Variants in PTER observed in about 807,000 individuals in gnomAD.
PTER encodes N-acetyltaurine hydrolase.
In PTER, 38 loss-of-function variants were observed where a neutral mutation model predicts 29.6. That is an observed-to-expected ratio of 1.28 (90% CI 0.99 to 1.68). The LOEUF is 1.68. Ranked by LOEUF, PTER falls within the 40% of genes most tolerant of loss-of-function variation. The probability of loss-of-function intolerance (pLI) is 0.00; values close to 1 mark genes in which losing one functional copy is unlikely to be tolerated. For missense variants in PTER, 482 were observed against 427.8 expected (o/e 1.13, Z -1.12); for synonymous variants, 172 against 154.5 (o/e 1.11, Z -0.84).
chr10:16,492,696 T>A (rs1472547043), intron 3 of PTER, among the ~76,000 whole-genome samples: 1 of 152,248 alleles, frequency 6.6e-6, no homozygotes, highest in Non-Finnish European at 1.5e-5. Context: ...GAATCTTTTT[T>A]CTACTTGGTT....
chr10:16,488,996 T>A (rs1385751207), intron 3 of PTER, among the ~76,000 whole-genome samples: 1 of 152,188 alleles, frequency 6.6e-6, no homozygotes, highest in East Asian at 1.9e-4. Flanking sequence ...TCAGCCATTA[T>A]CTCTTTAAAT....
intron 1 of PTER, among the ~76,000 whole-genome samples, chr10:16,452,653 C>G (rs971355837): frequency 7.2e-5 from 11 of 151,762 alleles, no homozygotes; most frequent in Non-Finnish European, 1.3e-4. Context: ...TCTTCTTCTT[C>G]TCCTGCTGCT....
intron 1 of PTER, among the ~76,000 whole-genome samples, chr10:16,470,918 T>G (rs189664469): frequency 3.5e-4 from 54 of 152,318 alleles, no homozygotes; most frequent in African/African-American, 1.3e-3. Context: ...CTTCCTAATT[T>G]ATGATTAAGA....
intron 1 of PTER, among the ~76,000 whole-genome samples, chr10:16,456,862 T>TGGGGC (rs1834416369): frequency 8.8e-6 from 1 of 113,598 alleles, no homozygotes; most frequent in Non-Finnish European, 1.9e-5. Context: ...ATGGGGAAGG[T>TGGGGC]GGGGGGGGGT....
intron 1 of PTER, among the ~76,000 whole-genome samples, chr10:16,441,708 T>C (rs961136132): frequency 1.3e-5 from 2 of 152,248 alleles, no homozygotes; most frequent in African/African-American, 4.8e-5. Flanking sequence ...TGATGAATTA[T>C]GTTGTTCGGG....
intron 1 of PTER, among the ~76,000 whole-genome samples, chr10:16,438,440 G>A (rs530843944): frequency 6.7e-6 from 1 of 149,300 alleles, no homozygotes; most frequent in African/African-American, 2.5e-5. Flanking sequence ...ACACCACCAC[G>A]CCCGGCTAGT....
intron 1 of PTER, among the ~76,000 whole-genome samples, chr10:16,480,370 A>AT (rs1299501057): frequency 6.6e-6 from 1 of 151,562 alleles, no homozygotes; most frequent in African/African-American, 2.4e-5. Flanking sequence ...TAATTTTTGT[A>AT]TTTTTTATAG....
intron 1 of PTER, among the ~76,000 whole-genome samples, chr10:16,466,848 C>A (rs574289093): frequency 6.6e-6 from 1 of 152,288 alleles, no homozygotes; most frequent in Admixed American, 6.5e-5. Flanking sequence ...AAAAATTAAA[C>A]GGCCTTAGCA....
chr10:16,480,168 C>G (rs1225129190), intron 1 of PTER, among the ~76,000 whole-genome samples: 4 of 148,288 alleles, frequency 2.7e-5, no homozygotes, highest in African/African-American at 1.0e-4. Context: ...TCCACCAAAA[C>G]TCAGTTTTGT....
intron 3 of PTER, among the ~76,000 whole-genome samples, chr10:16,498,240 C>T (rs12218061): frequency 0.53 from 80,882 of 151,956 alleles, 22,066 homozygotes; most frequent in East Asian, 0.84. Flanking sequence ...AAATACCGAC[C>T]TTAAAAGCTG....
chr10:16,478,377 A>G (rs896849418), intron 1 of PTER, among the ~76,000 whole-genome samples: 15 of 135,776 alleles, frequency 1.1e-4, no homozygotes, highest in Non-Finnish European at 9.2e-5. Flanking sequence ...CTTGTTGCCC[A>G]GGCTGGAGTG....
intron 3 of PTER, among the ~76,000 whole-genome samples, chr10:16,490,038 CA>C (rs1461720885): frequency 6.6e-6 from 1 of 152,126 alleles, no homozygotes; most frequent in East Asian, 1.9e-4. Flanking sequence ...CATTGTAAGT[CA>C]AAAATATTGT....
chr10:16,457,821 G>A (rs569193065), intron 1 of PTER, among the ~76,000 whole-genome samples: 1 of 151,610 alleles, frequency 6.6e-6, no homozygotes, highest in Non-Finnish European at 1.5e-5. Context: ...TGTTGGCCGC[G>A]CTAGTCTCAA....
chr10:16,467,511 T>C (rs1834880403), intron 1 of PTER, among the ~76,000 whole-genome samples: 2 of 152,086 alleles, frequency 1.3e-5, no homozygotes, highest in Admixed American at 1.3e-4. Flanking sequence ...AGAATAATAA[T>C]CTAAAATAGC....
At chr10:16,439,684 A>C (rs773820754) in intron 1 of PTER, among the ~76,000 whole-genome samples, 12 of 152,350 alleles carry the variant, frequency 7.9e-5, no homozygotes, top group South Asian at 2.1e-4. Context: ...TTCATACAGG[A>C]GGAATGTTTA....
At chr10:16,491,502 G>GT (rs1310968245) in intron 3 of PTER, among the ~76,000 whole-genome samples, 3 of 152,112 alleles carry the variant, frequency 2.0e-5, no homozygotes, top group African/African-American at 7.2e-5. Context: ...TCAGCTTTCT[G>GT]TAACGGGGAC....
intron 1 of PTER, among the ~76,000 whole-genome samples, chr10:16,456,863 G>GGGC (rs1554787516): frequency 3.2e-4 from 16 of 49,944 alleles, no homozygotes; most frequent in South Asian, 9.3e-4. Flanking sequence ...TGGGGAAGGT[G>GGGC]GGGGGGGGTT....
downstream of PTER, among the ~76,000 whole-genome samples, chr10:16,517,252 G>A (rs978306714): frequency 2.0e-5 from 3 of 152,088 alleles, no homozygotes; most frequent in African/African-American, 7.2e-5. Flanking sequence ...TCTGCTTTAT[G>A]TTTAGTCCGT....
intron 1 of PTER, among the ~76,000 whole-genome samples, chr10:16,444,884 A>G (rs1219114121): frequency 1.3e-5 from 2 of 152,194 alleles, no homozygotes; most frequent in Non-Finnish European, 2.9e-5. Context: ...ATTGGTAGTC[A>G]GAAATATTAG....
Sources: gnomAD v4.1 joint callset for allele counts (sites outside exome capture counted in the v4.1 genomes callset) on GRCh38, gnomAD v4.1.1 for gene constraint, MANE v1.5 for transcripts, NCBI Gene and HGNC (gene_info 2026-07-23, HGNC 2026-07-21) for gene names.